PIEZO1: variants seen among roughly 807,000 people sequenced by gnomAD.
PIEZO1 encodes the protein piezo-type mechanosensitive ion channel component 1.
Under a neutral mutation model 297.2 loss-of-function variants are expected in PIEZO1, and 296 were observed. That is an observed-to-expected ratio of 1.00 (90% CI 0.91 to 1.10). The LOEUF (loss-of-function observed/expected upper bound fraction) is 1.10. Among genes scored for constraint, PIEZO1 ranks in the 50% least tolerant of loss-of-function variants. The pLI is 0.00. For synonymous variants in PIEZO1, 2,427 were observed against 1,507.5 expected (o/e 1.61, Z -14.13); for missense variants, 5,018 against 3,455.5 (o/e 1.45, Z -11.34).
At chr16:88,717,884 G>T (rs1447426744) in intron 44 of PIEZO1, 1 of 412,606 alleles carries the variant, frequency 2.4e-6, no homozygotes, top group East Asian at 7.1e-5. Context: ...TGTCATCCCA[G>T]CACTTTGAGG....
chr16:88,756,441 CACCT>C (rs1263111523), intron 1 of PIEZO1, among the ~76,000 whole-genome samples: 1 of 152,212 alleles, frequency 6.6e-6, no homozygotes, highest in Non-Finnish European at 1.5e-5. Flanking sequence ...GAACCACACC[CACCT>C]GAGTGCTGTA....
intron 2 of PIEZO1, among the ~76,000 whole-genome samples, chr16:88,746,376 A>G (rs903861599): frequency 9.2e-5 from 14 of 152,196 alleles, no homozygotes; most frequent in Middle Eastern, 6.8e-3. Flanking sequence ...GAGTCCCTAA[A>G]TGACAAGCAG....
chr16:88,777,600 T>C (rs1039688812), intron 1 of PIEZO1, among the ~76,000 whole-genome samples: 4 of 152,256 alleles, frequency 2.6e-5, no homozygotes, highest in Admixed American at 6.5e-5. Context: ...GACGATGGCT[T>C]CCCTTTTCAA....
intron 1 of PIEZO1, among the ~76,000 whole-genome samples, chr16:88,757,689 G>C (rs1364212289): frequency 2.0e-5 from 3 of 152,156 alleles, no homozygotes; most frequent in Non-Finnish European, 4.4e-5. Context: ...TCCTGGCCCT[G>C]AAGGAGCCAG....
Position 88,727,030 on chromosome 16 carries a change from G to A in PIEZO1, c.3455+9C>T. The A allele has an allele frequency of 1.3e-6, 2 of 1,548,218 alleles. No homozygotes were observed. The highest frequency in any genetic ancestry group is 1.7e-4 in the Middle Eastern group (1 of 5,984). ...GAAGGTTCCCCGTGGAGGGTGACGT[G>A]GAACCCACCTGCAGTGGATAAAGTT... On this transcript the variant is annotated intron_variant, in intron 24 of 50. Coordinates refer to ENST00000301015, the MANE Select transcript of PIEZO1 (RefSeq NM_001142864.4).
chr16:88,719,229 T>TG (rs1268912315), intron 44 of PIEZO1: 2 of 276,324 alleles, frequency 7.2e-6, no homozygotes, highest in Non-Finnish European at 7.0e-6. Context: ...ACTTTTTACG[T>TG]GGGGGAGTGG....
At position 88,726,694 on chromosome 16, in the gene PIEZO1, G is replaced by C. The variant is rs543630348; in HGVS notation, c.3699+21C>G. 2.0e-3 allele frequency: 3,048 copies of C among 1,524,132 alleles called. 73 individuals carry two copies. The African/African-American group carries it at 0.037, about 18-fold the overall frequency. 94.4% of individuals were successfully genotyped at this position (1,524,132 alleles called of 1,614,324 possible). A position where few individuals can be genotyped will look rare whatever the true frequency, so the allele number is the denominator to read the frequency against. On this transcript the variant is annotated intron_variant, in intron 25 of 50. Transcript: ENST00000301015. Reference sequence around the variant, plus strand: ...CCAGCGGGGCCCCAGGGCGGTGGGTGCGGGGGGGCCGGAGGCTCACCGACA... The same window carrying C: ...CCAGCGGGGCCCCAGGGCGGTGGGTCCGGGGGGGCCGGAGGCTCACCGACA...
rs539638686 is a variant in PIEZO1 at position 88,759,362 on chromosome 16, C to T, written c.65-9883G>A. 4.9e-4 allele frequency among the ~76,000 whole-genome samples: 75 copies of T among 152,280 alleles called. 1 individual carries two copies. The highest frequency in any genetic ancestry group is 8.7e-4 in the African/African-American group (36 of 41,562). ...GTGAGGGCAGGCGAGGATCAGAGTT[C>T]GCGGATGACAGCTGCCAGGCCAGGG... On this transcript the variant is annotated intron_variant, in intron 1 of 50. Coordinates refer to ENST00000301015, the MANE Select transcript of PIEZO1 (RefSeq NM_001142864.4).
rs937924203 is a variant in PIEZO1, at chr16:88,734,992, G to T, written c.1731C>A (p.Ala577=). The part of the protein sequence containing the change: ...SLGELVKGVY[A]KYWIYVCAGM... ...CAGCACACACATAGATCCAGTACTT[G>T]GCGTACACGCCCTTCACCAGCTCCC... is the stretch of plus-strand genomic sequence containing the variant. The change falls in exon 14 of 51, where the codon GCC becomes GCA. Residue 577 remains alanine, a synonymous_variant. Transcript: ENST00000301015. 6.4e-7 allele frequency: 1 copy of T among 1,550,538 alleles called. No homozygotes were observed. Among genetic ancestry groups the T allele is most frequent in the African/African-American group, 1.4e-5 (1 of 73,194 alleles).
chr16:88,759,231 G>A (rs1253182210), intron 1 of PIEZO1, among the ~76,000 whole-genome samples: 2 of 152,262 alleles, frequency 1.3e-5, no homozygotes, highest in Admixed American at 1.3e-4. Flanking sequence ...GCTCACAGCG[G>A]CAGCTGCAGG....
chr16:88,721,234 C>G lies in PIEZO1; in HGVS notation c.5600G>C (p.Arg1867Thr), dbSNP rs910772546. 21 of 1,540,452 alleles carry G rather than the reference C, an allele frequency of 1.4e-5. No homozygotes were observed. Among genetic ancestry groups the G allele is most frequent in the Non-Finnish European group, 1.8e-5 (21 of 1,145,854 alleles). The change falls in exon 39 of 51, where the codon AGG (arginine) becomes ACG (threonine). Residue 1867 changes from arginine to threonine, a missense_variant. By Grantham distance (71) the Arg-to-Thr change is moderately conservative. Transcript: ENST00000301015. ...PQVELRPRDT[R>T]RISLRFRRRK... The stretch of plus-strand genomic sequence containing the variant: ...TCTTCTAAAACGTAGACTGATGCGC[C>G]TCGTATCACGGGGCCTGAGCTCCAC...
At chr16:88,747,286 T>C (rs1039968191) in intron 2 of PIEZO1, among the ~76,000 whole-genome samples, 2 of 144,502 alleles carry the variant, frequency 1.4e-5, no homozygotes, top group Non-Finnish European at 3.0e-5. Context: ...TCGGCCGAGG[T>C]GGGCAGATCA....
chr16:88,749,587 C>A (rs564870907), intron 1 of PIEZO1, 108 bp from the exon 2 acceptor site: 1,335 of 812,836 alleles, frequency 1.6e-3, no homozygotes, highest in Non-Finnish European at 2.3e-3. Flanking sequence ...GGCCGTGTGC[C>A]CTGTGAGTGC....
intron 1 of PIEZO1, among the ~76,000 whole-genome samples, chr16:88,772,411 A>G (rs375525374): frequency 2.6e-5 from 4 of 152,136 alleles, no homozygotes; most frequent in African/African-American, 4.8e-5. Flanking sequence ...GCCACGCTGG[A>G]GCTGAGGGCC....
At chr16:88,743,676 G>A (rs1905851227) in intron 2 of PIEZO1, 1 of 456,506 alleles carries the variant, frequency 2.2e-6, no homozygotes, top group Admixed American at 2.3e-5. Flanking sequence ...AAAGACTCAT[G>A]ACCCACGTCC....
chr16:88,774,733 G>C (rs74035807), intron 1 of PIEZO1, among the ~76,000 whole-genome samples: 1,586 of 152,336 alleles, frequency 0.01, 19 homozygotes, highest in African/African-American at 0.036. Context: ...TGGCTGGGGA[G>C]AGCACTCTTA....
In PIEZO1 at chr16:88,726,224, C is replaced by G. The variant is rs2142783827; in HGVS notation, c.3968+60G>C. The G allele has an allele frequency of 8.5e-6, 12 of 1,406,878 alleles. No homozygotes were observed. In the South Asian group the frequency reaches 1.3e-4, roughly 16 times the overall value. 87.1% of individuals were successfully genotyped at this position (1,406,878 alleles called of 1,614,324 possible). On this transcript the variant is annotated intron_variant, in intron 27 of 50. Transcript: ENST00000301015. ...GGGGCCTGAGACAGTGAGGAACCTC[C>G]CATTGCCCCCTCCCAGCCCCAAGAC...
chr16:88,716,258 G>C lies in PIEZO1; in HGVS notation c.7069C>G (p.Pro2357Ala), dbSNP rs765355284. ...DQSVVIPNLF[P>A]KYIRAPNGPE... ...CCGTTGGGGGCACGGATGTACTTGGGGAAGAGATTAGGGATGACCCTGCAG... is the reference window on the plus strand; with the variant it reads ...CCGTTGGGGGCACGGATGTACTTGGCGAAGAGATTAGGGATGACCCTGCAG... Residue 2357 changes from proline (P) to alanine (A), a missense_variant, in exon 49 of 51, where the codon CCC becomes GCC. Coordinates refer to ENST00000301015, the MANE Select transcript of PIEZO1 (RefSeq NM_001142864.4). 1.5e-5 allele frequency: 23 copies of C among 1,493,170 alleles called. No individual in the cohort carries two copies. Among genetic ancestry groups the C allele is most frequent in the Non-Finnish European group, 1.8e-5 (20 of 1,116,208 alleles). 92.5% of individuals were successfully genotyped at this position (1,493,170 alleles called of 1,614,324 possible).
intron 1 of PIEZO1, among the ~76,000 whole-genome samples, chr16:88,764,939 C>T (rs1489300080): frequency 6.6e-6 from 1 of 152,150 alleles, no homozygotes; most frequent in Non-Finnish European, 1.5e-5. Context: ...CCTAAGAAGC[C>T]TGGCCATTGA....
Sources: gnomAD v4.1 joint callset for allele counts (sites outside exome capture counted in the v4.1 genomes callset) on GRCh38, gnomAD v4.1.1 for gene constraint, MANE v1.5 for transcripts, NCBI Gene and HGNC (gene_info 2026-07-23, HGNC 2026-07-21) for gene names.